Variants in PIK3C3 observed in about 807,000 individuals in gnomAD.
PIK3C3 encodes the protein phosphatidylinositol 3-kinase catalytic subunit type 3.
A neutral mutation model predicts 126.1 loss-of-function variants in PIK3C3; 95 were observed. The ratio of observed to expected loss-of-function variants is 0.75; its 90% CI spans 0.64 to 0.89. PIK3C3 has a LOEUF of 0.89. Ranked by LOEUF, PIK3C3 falls within the 40% of genes least tolerant of loss-of-function variation. The probability of loss-of-function intolerance (pLI) is 0.00; values close to 1 mark genes in which losing one functional copy is unlikely to be tolerated. For synonymous variants in PIK3C3, 374 were observed against 360.0 expected (o/e 1.04, Z -0.44); for missense variants, 829 against 1,063.2 (o/e 0.78, Z 3.06).
intron 12 of PIK3C3, among the ~76,000 whole-genome samples, chr18:42,019,685 A>G (rs1383293087): frequency 6.6e-6 from 1 of 152,026 alleles, no homozygotes; most frequent in Admixed American, 6.6e-5. Flanking sequence ...GTGTTAATAA[A>G]CTCAAATTTG....
chr18:41,998,937 T>C (rs906206243), intron 9 of PIK3C3, among the ~76,000 whole-genome samples: 1 of 152,204 alleles, frequency 6.6e-6, no homozygotes, highest in African/African-American at 2.4e-5. Context: ...TTTAGGTTAC[T>C]TGACATTTGG....
chr18:42,004,295 G>A (rs1982432381), intron 9 of PIK3C3, 61 bp from the exon 10 acceptor site: 6 of 1,338,080 alleles, frequency 4.5e-6, no homozygotes, highest in Non-Finnish European at 6.3e-6. Context: ...ACTCTGCCTA[G>A]TCAACTTCTC....
rs181423360 is a variant in PIK3C3, at chr18:42,034,440, G to A, written c.1839+483G>A. 1.3e-4 allele frequency among the ~76,000 whole-genome samples: 20 copies of A among 152,272 alleles called. No homozygotes were observed. The East Asian group carries it at 3.3e-3, about 25-fold the overall frequency. On this transcript the variant is annotated intron_variant, in intron 16 of 24. Coordinates refer to ENST00000262039, the MANE Select transcript of PIK3C3 (RefSeq NM_002647.4). Reference sequence around the variant, plus strand: ...TTTTTTTAGAGGGCAGATTGCAAACGTATCATGCATTCATTCAGTTCATTA... The same window carrying A: ...TTTTTTTAGAGGGCAGATTGCAAACATATCATGCATTCATTCAGTTCATTA...
At chr18:42,038,229 G>A (rs1239814374) in intron 17 of PIK3C3, among the ~76,000 whole-genome samples, 1 of 152,000 alleles carries the variant, frequency 6.6e-6, no homozygotes, top group African/African-American at 2.4e-5. Context: ...TGAAGTGATA[G>A]CAACAACCCT....
Position 42,004,471 on chromosome 18 carries a change from T to C in PIK3C3, c.1100T>C (p.Leu367Ser), listed in dbSNP as rs140733016. The C allele has an allele frequency of 2.5e-6, 4 of 1,613,686 alleles. No individual in the cohort carries two copies. Among genetic ancestry groups the C allele is most frequent in the Non-Finnish European group, 3.4e-6 (4 of 1,179,816 alleles). The change falls in exon 10 of 25, where the codon TTA becomes TCA. Residue 367 changes from leucine to serine, a missense_variant. Around this residue, in one of 4 missense-constraint regions of PIK3C3, gnomAD observed 64 missense variants for 118.7 expected, o/e 0.54. Coordinates refer to ENST00000262039, the MANE Select transcript of PIK3C3 (RefSeq NM_002647.4). ...GATGTAGAGGACTCCTTGGAGCTGT[T>C]ATCCTCTCATTACACCAACCCAACT... Reference protein sequence around the residue: ...PMDVEDSLELLSSHYTNPTVR... With the variant: ...PMDVEDSLELSSSHYTNPTVR...
At position 42,082,362 on chromosome 18, in the gene PIK3C3, G is replaced by A. The variant is rs1986279674; in HGVS notation, c.*1225G>A. On this transcript the variant is annotated 3_prime_UTR_variant, in exon 25 of 25. Coordinates refer to ENST00000262039, the MANE Select transcript of PIK3C3 (RefSeq NM_002647.4). ...CCCTGGGCTTGCCTCTTCAGAGTGGGGTTACCGGCGAGAGGGCAAGCATGT... is the reference window on the plus strand; with the variant it reads ...CCCTGGGCTTGCCTCTTCAGAGTGGAGTTACCGGCGAGAGGGCAAGCATGT... 1 of 152,106 alleles carries A rather than the reference G, an allele frequency of 6.6e-6. No homozygotes were observed. Among genetic ancestry groups the A allele is most frequent in the African/African-American group, 2.4e-5 (1 of 41,404 alleles). 9.4% of individuals were successfully genotyped at this position (152,106 alleles called of 1,614,324 possible).
At chr18:42,064,601 C>T (rs1985457004) in intron 22 of PIK3C3, 139 bp from the exon 23 acceptor site, 1 of 575,938 alleles carries the variant, frequency 1.7e-6, no homozygotes, top group African/African-American at 1.9e-5. Flanking sequence ...TCATTGATAC[C>T]AACTGATGAA....
chr18:42,075,716 A>G (rs765998458), intron 24 of PIK3C3, among the ~76,000 whole-genome samples: 1 of 149,420 alleles, frequency 6.7e-6, no homozygotes, highest in Non-Finnish European at 1.5e-5. Flanking sequence ...ACATTTATAT[A>G]TATGTATTTT....
intron 20 of PIK3C3, among the ~76,000 whole-genome samples, chr18:42,047,281 G>C (rs921477400): frequency 4.6e-5 from 7 of 152,130 alleles, no homozygotes; most frequent in African/African-American, 1.7e-4. Context: ...TAGGAATTTC[G>C]CTTGTCTTCA....
intron 9 of PIK3C3, among the ~76,000 whole-genome samples, chr18:42,001,858 A>G (rs555173609): frequency 6.6e-6 from 1 of 152,354 alleles, no homozygotes; most frequent in East Asian, 1.9e-4. Flanking sequence ...TTTCACTGTC[A>G]TTATTTAAGA....
rs1219310873 is a variant in PIK3C3 at position 42,086,108 on chromosome 18, G to A, written c.*4971G>A. On this transcript the variant is annotated 3_prime_UTR_variant, in exon 25 of 25. Coordinates refer to ENST00000262039, the MANE Select transcript of PIK3C3 (RefSeq NM_002647.4). ...TGCACTGCAGCCTGGGTAATAGAGC[G>A]AGACAACTCTATCTCAAAAAAAAGA... 1.3e-5 allele frequency: 2 copies of A among 149,450 alleles called. No homozygotes were observed. The highest frequency in any genetic ancestry group is 4.9e-5 in the African/African-American group (2 of 41,068). The allele number at this position is 149,450 out of a possible 1,614,324, so 9.3% of individuals were successfully genotyped here.
rs1980132874 is a variant in PIK3C3 at position 41,962,381 on chromosome 18, C to T, written c.258-108C>T. On this transcript the variant is annotated intron_variant, in intron 2 of 24. Transcript: ENST00000262039. ...CATATTATTTTTTAGAGTCTAACAA[C>T]ATTTTTGGAACCTTTTCCTCTGGCC... is the stretch of plus-strand genomic sequence containing the variant. 3 of 840,586 alleles carry T rather than the reference C, an allele frequency of 3.6e-6. No homozygotes were observed. The African/African-American group carries it at 5.2e-5, about 15-fold the overall frequency. 52.1% of individuals were successfully genotyped at this position (840,586 alleles called of 1,614,324 possible). A position where few individuals can be genotyped will look rare whatever the true frequency, so the allele number is the denominator to read the frequency against.
Position 41,980,752 on chromosome 18 carries a change from CTTAT to C in PIK3C3, c.532-7052_532-7049del, listed in dbSNP as rs551359258. ...TTTTCTCAAAAACAGTAAGAACACC[CTTAT>C]TTATTTAATCACTAGGAACAAAAGA... On this transcript the variant is annotated intron_variant, in intron 4 of 24. Transcript: ENST00000262039. Among the ~76,000 whole-genome samples the C allele has an allele frequency of 6.6e-5, 10 of 152,010 alleles. No individual in the cohort carries two copies. The South Asian group carries it at 1.9e-3, about 28-fold the overall frequency.
intron 15 of PIK3C3, among the ~76,000 whole-genome samples, chr18:42,031,052 T>C (rs1214945071): frequency 6.6e-6 from 1 of 152,200 alleles, no homozygotes; most frequent in Non-Finnish European, 1.5e-5. Context: ...CATTTTATCA[T>C]GATATGGTAA....
At chr18:42,030,716 C>G (rs1166353274) in intron 15 of PIK3C3, among the ~76,000 whole-genome samples, 1 of 152,230 alleles carries the variant, frequency 6.6e-6, no homozygotes, top group South Asian at 2.1e-4. Flanking sequence ...TACTACTGTT[C>G]CCCCTGTAGC....
chr18:42,010,904 T>G (rs1462773008), intron 10 of PIK3C3, among the ~76,000 whole-genome samples: 1 of 152,230 alleles, frequency 6.6e-6, no homozygotes, highest in African/African-American at 2.4e-5. Flanking sequence ...GACTTCTTGA[T>G]TTTTGGGCAG....
At chr18:42,015,614 T>G (rs1983040131) in intron 12 of PIK3C3, 48 bp downstream of exon 12, 1 of 1,288,752 alleles carries the variant, frequency 7.8e-7, no homozygotes, top group Admixed American at 1.7e-5. Context: ...TCCTACTGCA[T>G]GAACATTTTA....
chr18:42,038,233 CA>C (rs1984146130), intron 17 of PIK3C3, among the ~76,000 whole-genome samples: 1 of 152,052 alleles, frequency 6.6e-6, no homozygotes, highest in Non-Finnish European at 1.5e-5. Context: ...GTGATAGCAA[CA>C]ACCCTATTGT....
chr18:42,006,173 T>C (rs1982532795), intron 10 of PIK3C3, among the ~76,000 whole-genome samples: 1 of 151,092 alleles, frequency 6.6e-6, no homozygotes. Context: ...CTACTATTGA[T>C]TTATTATGAA....
Sources: gnomAD v4.1 joint callset for allele counts (sites outside exome capture counted in the v4.1 genomes callset) on GRCh38, gnomAD v4.1.1 for gene constraint, gnomAD v4.1.1 regional missense constraint, MANE v1.5 for transcripts, NCBI Gene and HGNC (gene_info 2026-07-23, HGNC 2026-07-21) for gene names.